Variants in C12orf56 observed in about 807,000 individuals in gnomAD.
The protein encoded by C12orf56 is uncharacterized protein C12orf56.
Under a neutral mutation model 69.9 loss-of-function variants are expected in C12orf56, and 71 were observed. That is an observed-to-expected ratio of 1.02 (90% confidence interval 0.84 to 1.24). The LOEUF (loss-of-function observed/expected upper bound fraction) is 1.24. Among genes scored for constraint, C12orf56 ranks in the 50% most tolerant of loss-of-function variants. The pLI is 0.00. For synonymous variants in C12orf56, 276 were observed against 274.1 expected (o/e 1.01, Z -0.07); for missense variants, 732 against 738.5 (o/e 0.99, Z 0.10).
intron 2 of C12orf56, among the ~76,000 whole-genome samples, chr12:64,349,441 G>A (rs1479805031): frequency 6.6e-6 from 1 of 152,152 alleles, no homozygotes; most frequent in African/African-American, 2.4e-5. Flanking sequence ...AGCAACTATG[G>A]AAAACTGTGG....
chr12:64,341,186 A>G lies in C12orf56; in HGVS notation c.416-10154T>C, dbSNP rs549572132. Reference sequence around the variant, plus strand: ...CGTTGTTGTGTCTCCTGGTGGCAGCATTCCTCCCTCTGGAACTGAGACCTC... The same window carrying G: ...CGTTGTTGTGTCTCCTGGTGGCAGCGTTCCTCCCTCTGGAACTGAGACCTC... On this transcript the variant is annotated intron_variant, in intron 2 of 12. Coordinates refer to ENST00000543942, the MANE Select transcript of C12orf56 (RefSeq NM_001170633.2). Among the ~76,000 whole-genome samples, 3 of 152,240 alleles carry G rather than the reference A, an allele frequency of 2.0e-5. No homozygotes were observed. In the East Asian group the frequency reaches 5.8e-4, roughly 29 times the overall value.
rs1376006953 is a variant in C12orf56, at chr12:64,359,113, G to A, written c.253-6057C>T. Among the ~76,000 whole-genome samples the A allele has an allele frequency of 3.3e-5, 5 of 152,230 alleles. No homozygotes were observed. The East Asian group carries it at 9.6e-4, about 29-fold the overall frequency. ...AATAATTTTCTAACCTTCTTTTGAT[G>A]CAGGTCATAAAACCCTCATGCGAAA... On this transcript the variant is annotated intron_variant, in intron 1 of 12. Transcript: ENST00000543942.
At chr12:64,308,560 C>G (rs1043110479) in intron 5 of C12orf56, among the ~76,000 whole-genome samples, 1 of 151,256 alleles carries the variant, frequency 6.6e-6, no homozygotes, top group Non-Finnish European at 1.5e-5. Flanking sequence ...ATCCCATGTA[C>G]CCAGCTGGGC....
intron 1 of C12orf56, among the ~76,000 whole-genome samples, chr12:64,355,532 CATT>C (rs2039299667): frequency 6.6e-6 from 1 of 151,854 alleles, no homozygotes; most frequent in South Asian, 2.1e-4. Flanking sequence ...ATAATGAAAT[CATT>C]ATTCTGATAG....
chr12:64,368,810 G>GCACA (rs986747010), intron 1 of C12orf56, among the ~76,000 whole-genome samples: 36 of 152,150 alleles, frequency 2.4e-4, no homozygotes, highest in African/African-American at 8.4e-4. Context: ...CTACTAACTA[G>GCACA]CAGTGTGACT....
intron 4 of C12orf56, among the ~76,000 whole-genome samples, chr12:64,315,654 G>A (rs563893767): frequency 9.2e-5 from 14 of 152,198 alleles, no homozygotes; most frequent in African/African-American, 2.9e-4. Flanking sequence ...TAATGTGGCC[G>A]GGCACAGTGG....
intron 1 of C12orf56, among the ~76,000 whole-genome samples, chr12:64,359,134 C>T (rs1040359890): frequency 7.2e-5 from 11 of 152,212 alleles, no homozygotes; most frequent in South Asian, 6.2e-4. Context: ...AACCCTCATG[C>T]GAAAGATGCC....
intron 3 of C12orf56, among the ~76,000 whole-genome samples, chr12:64,322,844 A>T (rs947336036): frequency 7.9e-5 from 12 of 152,144 alleles, no homozygotes; most frequent in Non-Finnish European, 1.5e-5. Context: ...GTGCTAAAAA[A>T]CTATGGGACA....
At chr12:64,281,830 C>T (rs568638546) in intron 8 of C12orf56, among the ~76,000 whole-genome samples, 3 of 152,030 alleles carry the variant, frequency 2.0e-5, no homozygotes, top group Admixed American at 6.6e-5. Flanking sequence ...TTAAAGGCAA[C>T]GCTTTTAAAG....
chr12:64,367,236 AAT>A, intron 1 of C12orf56, among the ~76,000 whole-genome samples: 1 of 130,348 alleles, frequency 7.7e-6, no homozygotes, highest in African/African-American at 2.9e-5. Context: ...TATTATATGT[AAT>A]ATACAGTTTA....
rs2039615673 is a variant in C12orf56 at position 64,374,544 on chromosome 12, T to C, written c.252+15770A>G. On this transcript the variant is annotated intron_variant, in intron 1 of 12. Coordinates refer to ENST00000543942, the MANE Select transcript of C12orf56 (RefSeq NM_001170633.2). Reference sequence around the variant, plus strand: ...AAAACATTACTTTTTTTTCCAACTTTTTTTTTTCTTTTTTTTTCCGAGATG... The same window carrying C: ...AAAACATTACTTTTTTTTCCAACTTCTTTTTTTCTTTTTTTTTCCGAGATG... Among the ~76,000 whole-genome samples the C allele has an allele frequency of 2.0e-5, 3 of 151,892 alleles. No individual in the cohort carries two copies. In the South Asian group the frequency reaches 6.2e-4, roughly 32 times the overall value.
intron 1 of C12orf56, among the ~76,000 whole-genome samples, chr12:64,368,254 C>G (rs1054587442): frequency 1.3e-5 from 2 of 152,146 alleles, no homozygotes; most frequent in Admixed American, 1.3e-4. Context: ...AGGCGTGAGC[C>G]ACCATGCCCA....
chr12:64,346,236 A>G (rs2039139211), intron 2 of C12orf56, among the ~76,000 whole-genome samples: 1 of 152,130 alleles, frequency 6.6e-6, no homozygotes. Flanking sequence ...AAACTGAAGA[A>G]CCTGGAGCCC....
intron 3 of C12orf56, among the ~76,000 whole-genome samples, chr12:64,321,215 C>A (rs193114633): frequency 4.4e-4 from 67 of 152,274 alleles, no homozygotes; most frequent in African/African-American, 1.3e-3. Context: ...ATTACTATTA[C>A]CCTATATTGC....
intron 1 of C12orf56, among the ~76,000 whole-genome samples, chr12:64,355,037 C>T (rs1467213618): frequency 7.3e-6 from 1 of 137,480 alleles, no homozygotes; most frequent in Non-Finnish European, 1.5e-5. Flanking sequence ...GAGATTGCAC[C>T]ACTGCGCTCC....
chr12:64,275,735 T>G lies in C12orf56; in HGVS notation c.1435-363A>C, dbSNP rs368339130. Among the ~76,000 whole-genome samples, 28 of 152,254 alleles carry G rather than the reference T, an allele frequency of 1.8e-4. No individual in the cohort carries two copies. In the East Asian group the frequency reaches 2.3e-3, roughly 13 times the overall value. On this transcript the variant is annotated intron_variant, in intron 9 of 12. Transcript: ENST00000543942. ...CTTTCACCTCAGTCTCCCCAGTAGC[T>G]AGGACTACAGGTATGTGCCACCATG... is the stretch of plus-strand genomic sequence containing the variant.
At chr12:64,322,691 C>A (rs933382448) in intron 3 of C12orf56, among the ~76,000 whole-genome samples, 8 of 152,162 alleles carry the variant, frequency 5.3e-5, no homozygotes, top group African/African-American at 1.7e-4. Flanking sequence ...AGCTTCTCAT[C>A]ATTAGGCCCA....
chr12:64,267,408 A>G (rs1592403989), intron 12 of C12orf56, 120 bp from the exon 13 acceptor site: 2 of 769,026 alleles, frequency 2.6e-6, no homozygotes, highest in Non-Finnish European at 4.2e-6. Flanking sequence ...CTAAGCTACA[A>G]GACTTGGTCA....
Position 64,274,982 on chromosome 12 carries a change from G to C in C12orf56, c.1510-7C>G, listed in dbSNP as rs1202979474. On this transcript the variant is annotated splice_region_variant and splice_polypyrimidine_tract_variant and intron_variant, in intron 10 of 12. Transcript: ENST00000543942. The stretch of plus-strand genomic sequence containing the variant: ...ATCCCAATCCGAGATTTCCCTAAAA[G>C]ACTCAAGGAAATAAACAAGTTATAT... 6.2e-7 allele frequency: 1 copy of C among 1,601,240 alleles called. No homozygotes were observed. The highest frequency in any genetic ancestry group is 1.7e-5 in the Admixed American group (1 of 59,930).
Sources: gnomAD v4.1 joint callset for allele counts (sites outside exome capture counted in the v4.1 genomes callset) on GRCh38, gnomAD v4.1.1 for gene constraint, MANE v1.5 for transcripts, NCBI Gene and HGNC (gene_info 2026-07-23, HGNC 2026-07-21) for gene names.